FAM227B: variants seen among roughly 807,000 people sequenced by gnomAD.
FAM227B encodes family with sequence similarity 227 member B, also known as protein FAM227B.
A neutral mutation model predicts 73.8 loss-of-function variants in FAM227B; 88 were observed. The observed-to-expected ratio is 1.19, with a 90% confidence interval of 1.00 to 1.42. The LOEUF is 1.42. Ranked by LOEUF, FAM227B falls within the 40% of genes most tolerant of loss-of-function variation. FAM227B has a pLI of 0.00. For synonymous variants in FAM227B, 210 were observed against 190.5 expected (o/e 1.10, Z -0.84); for missense variants, 632 against 590.9 (o/e 1.07, Z -0.72).
chr15:49,361,204 T>C (rs1381445320), intron 13 of FAM227B, among the ~76,000 whole-genome samples: 2 of 152,162 alleles, frequency 1.3e-5, no homozygotes, highest in African/African-American at 4.8e-5. Flanking sequence ...ATTAAAAAAT[T>C]AATTTAAAAA....
chr15:49,407,359 T>C (rs7164109), intron 11 of FAM227B, among the ~76,000 whole-genome samples: 52,773 of 151,868 alleles, frequency 0.35, 10,730 homozygotes, highest in Non-Finnish European at 0.46. Flanking sequence ...TGGTGCACCA[T>C]AGCCCAGGGC....
At chr15:49,516,494 A>G (rs1181458620) in intron 10 of FAM227B, among the ~76,000 whole-genome samples, 3 of 151,986 alleles carry the variant, frequency 2.0e-5, no homozygotes, top group Non-Finnish European at 2.9e-5. Context: ...TGGGTTCAGG[A>G]AAGGTTTTGA....
At chr15:49,448,031 T>C (rs2052384212) in intron 11 of FAM227B, among the ~76,000 whole-genome samples, 1 of 151,672 alleles carries the variant, frequency 6.6e-6, no homozygotes, top group African/African-American at 2.4e-5. Context: ...ATTATTTTAA[T>C]GTCCGAGAGC....
chr15:49,457,560 C>G (rs981862113), intron 11 of FAM227B, among the ~76,000 whole-genome samples: 5 of 151,838 alleles, frequency 3.3e-5, no homozygotes, highest in Admixed American at 6.6e-5. Context: ...CCTTAGAGAA[C>G]AGAAACTTTT....
chr15:49,560,874 A>C (rs554402576), intron 9 of FAM227B, among the ~76,000 whole-genome samples: 1 of 152,320 alleles, frequency 6.6e-6, no homozygotes, highest in Admixed American at 6.5e-5. Context: ...GAGATCATTA[A>C]GGGAGTTCTA....
At chr15:49,337,312 A>G (rs2039887632) in intron 13 of FAM227B, among the ~76,000 whole-genome samples, 1 of 152,130 alleles carries the variant, frequency 6.6e-6, no homozygotes, top group African/African-American at 2.4e-5. Context: ...CCCACCAACA[A>G]TGTATAAGCT....
intron 15 of FAM227B, chr15:49,329,481 G>A: frequency 2.0e-6 from 2 of 985,168 alleles, no homozygotes; most frequent in South Asian, 9.4e-5. Flanking sequence ...CACAGATTGG[G>A]CATCACCATC....
chr15:49,355,208 T>C (rs1319362063), intron 13 of FAM227B, among the ~76,000 whole-genome samples: 1 of 152,168 alleles, frequency 6.6e-6, no homozygotes, highest in Non-Finnish European at 1.5e-5. Flanking sequence ...GGAACGCAGT[T>C]CCTCACCAGC....
At chr15:49,502,381 C>T (rs1048414490) in intron 11 of FAM227B, among the ~76,000 whole-genome samples, 6 of 152,258 alleles carry the variant, frequency 3.9e-5, no homozygotes, top group African/African-American at 1.4e-4. Context: ...GCCTTTGGTG[C>T]CCATCCTTTG....
intron 11 of FAM227B, among the ~76,000 whole-genome samples, chr15:49,498,927 G>A (rs1807273646): frequency 6.6e-6 from 1 of 151,828 alleles, no homozygotes; most frequent in South Asian, 2.1e-4. Flanking sequence ...AGCACTTTGG[G>A]AGGCCGAGGC....
At chr15:49,384,707 CTG>C (rs2046768119) in intron 11 of FAM227B, among the ~76,000 whole-genome samples, 1 of 151,322 alleles carries the variant, frequency 6.6e-6, no homozygotes. Flanking sequence ...GCCTTATAAA[CTG>C]TTCTGCTGTG....
At chr15:49,489,880 A>T (rs1459261768) in intron 11 of FAM227B, among the ~76,000 whole-genome samples, 4 of 14,908 alleles carry the variant, frequency 2.7e-4, no homozygotes, top group African/African-American at 5.9e-4. Context: ...ATATATATAT[A>T]TATAGAGAGA....
intron 10 of FAM227B, among the ~76,000 whole-genome samples, chr15:49,525,359 T>C (rs534181520): frequency 7.9e-5 from 12 of 152,162 alleles, no homozygotes; most frequent in African/African-American, 2.9e-4. Context: ...TTGTTCCTCC[T>C]TGCCTTCTGC....
At chr15:49,499,165 C>CAAA (rs11355557) in intron 11 of FAM227B, among the ~76,000 whole-genome samples, 1,786 of 52,006 alleles carry the variant, frequency 0.034, 1 homozygote, top group Non-Finnish European at 0.04. Context: ...GACTCCGTCT[C>CAAA]AAAAAAAAAA....
chr15:49,565,896 T>G (rs1371650347), intron 9 of FAM227B, among the ~76,000 whole-genome samples: 2 of 151,564 alleles, frequency 1.3e-5, no homozygotes, highest in Non-Finnish European at 2.9e-5. Context: ...GAGATTGGAG[T>G]GATACAACCA....
intron 9 of FAM227B, among the ~76,000 whole-genome samples, chr15:49,554,117 C>A (rs576024366): frequency 6.6e-6 from 1 of 152,110 alleles, no homozygotes; most frequent in Non-Finnish European, 1.5e-5. Flanking sequence ...GGAATAAGGG[C>A]CTCCCATCTC....
chr15:49,438,957 T>G (rs924537242), intron 11 of FAM227B, among the ~76,000 whole-genome samples: 1 of 151,312 alleles, frequency 6.6e-6, no homozygotes, highest in African/African-American at 2.4e-5. Context: ...TACCTAAAAT[T>G]TACCAGCTTA....
At chr15:49,396,306 C>T (rs1430235642) in intron 11 of FAM227B, 1 of 399,336 alleles carries the variant, frequency 2.5e-6, no homozygotes, top group Non-Finnish European at 4.9e-6. Flanking sequence ...AAAAGCGGCG[C>T]ACCACGAGAT....
At chr15:49,397,827 TA>T (rs2047807050) in intron 11 of FAM227B, among the ~76,000 whole-genome samples, 1 of 152,056 alleles carries the variant, frequency 6.6e-6, no homozygotes, top group Non-Finnish European at 1.5e-5. Context: ...AGGCCTGCCC[TA>T]AAAGAGCTTC....
Sources: allele counts gnomAD v4.1 joint callset (sites outside exome capture counted in the v4.1 genomes callset), GRCh38; gene constraint gnomAD v4.1.1; transcripts MANE v1.5; gene names NCBI Gene and HGNC (gene_info 2026-07-23, HGNC 2026-07-21).